The following PDLIM5 variants were observed in gnomAD, a reference collection of about 807,000 sequenced individuals.
The protein encoded by PDLIM5 is PDZ and LIM domain 5.
In PDLIM5, 34 loss-of-function variants were observed where a neutral mutation model predicts 64.2. That is an observed-to-expected ratio of 0.53 (90% CI 0.40 to 0.71). The LOEUF is 0.71. PDLIM5 is among the 30% of genes least tolerant of loss of function. The pLI is 0.00. For missense variants in PDLIM5, 683 were observed against 733.6 expected, an observed-to-expected ratio of 0.93 and a Z score of 0.80; for synonymous variants, 253 against 269.1, an observed-to-expected ratio of 0.94 and a Z score of 0.59.
chr4:94,498,602 C>T (rs1028337705), intron 2 of PDLIM5, among the ~76,000 whole-genome samples: 2 of 152,166 alleles, frequency 1.3e-5, no homozygotes, highest in Non-Finnish European at 2.9e-5. Context: ...CTTGCATTTT[C>T]GTTGTTGTTG....
intron 3 of PDLIM5, among the ~76,000 whole-genome samples, chr4:94,536,854 A>G (rs932132279): frequency 5.3e-5 from 8 of 152,186 alleles, no homozygotes; most frequent in Non-Finnish European, 7.4e-5. Context: ...TGTTGTTGCT[A>G]TTATAGTCTC....
chr4:94,556,799 A>T (rs1205074550), intron 3 of PDLIM5, among the ~76,000 whole-genome samples: 1 of 151,986 alleles, frequency 6.6e-6, no homozygotes, highest in Non-Finnish European at 1.5e-5. Flanking sequence ...TAGATTCTGG[A>T]TATTAGCCCT....
intron 3 of PDLIM5, among the ~76,000 whole-genome samples, chr4:94,541,243 G>A (rs755800872): frequency 1.1e-4 from 17 of 152,000 alleles, no homozygotes; most frequent in South Asian, 2.1e-4. Context: ...AAAAAATGTC[G>A]TCCATGTAAA....
intron 9 of PDLIM5, among the ~76,000 whole-genome samples, chr4:94,645,943 T>A (rs1296774868): frequency 1.3e-5 from 2 of 152,228 alleles, no homozygotes; most frequent in Non-Finnish European, 2.9e-5. Flanking sequence ...ATAAACAAGT[T>A]GAACAGTTAA....
chr4:94,546,484 A>G (rs1258142161), intron 3 of PDLIM5, among the ~76,000 whole-genome samples: 1 of 152,210 alleles, frequency 6.6e-6, no homozygotes, highest in Non-Finnish European at 1.5e-5. Context: ...GTTATCAAAC[A>G]AAAGCTATTA....
intron 3 of PDLIM5, among the ~76,000 whole-genome samples, chr4:94,559,892 A>T (rs1415696029): frequency 6.6e-6 from 1 of 152,210 alleles, no homozygotes; most frequent in Non-Finnish European, 1.5e-5. Context: ...TATTTGTGTC[A>T]TCTTAACTGT....
intron 2 of PDLIM5, among the ~76,000 whole-genome samples, chr4:94,491,801 A>G (rs1301478439): frequency 6.6e-6 from 1 of 152,122 alleles, no homozygotes. Flanking sequence ...TTCTATACTT[A>G]TGGAGTACAA....
intron 2 of PDLIM5, among the ~76,000 whole-genome samples, chr4:94,499,160 G>C (rs1384636658): frequency 6.6e-6 from 1 of 152,064 alleles, no homozygotes; most frequent in Non-Finnish European, 1.5e-5. Flanking sequence ...AAAAAGCGAA[G>C]CCTTCTCTGA....
At chr4:94,504,444 G>A (rs1292490956) in intron 2 of PDLIM5, among the ~76,000 whole-genome samples, 2 of 152,092 alleles carry the variant, frequency 1.3e-5, no homozygotes, top group South Asian at 2.1e-4. Flanking sequence ...GCGCCACCAC[G>A]CCTGGCTAAT....
intron 3 of PDLIM5, among the ~76,000 whole-genome samples, chr4:94,547,460 C>T (rs1253427255): frequency 6.6e-6 from 1 of 152,156 alleles, no homozygotes; most frequent in East Asian, 1.9e-4. Flanking sequence ...CCCTCTTCCA[C>T]ATTTGAGGGC....
chr4:94,495,248 A>G (rs1393235471), intron 2 of PDLIM5, among the ~76,000 whole-genome samples: 1 of 152,204 alleles, frequency 6.6e-6, no homozygotes, highest in Admixed American at 6.5e-5. Context: ...TACTAGGATT[A>G]TACTAAAGGT....
chr4:94,530,295 T>C (rs1730747087), intron 3 of PDLIM5, among the ~76,000 whole-genome samples: 1 of 152,100 alleles, frequency 6.6e-6, no homozygotes, highest in Admixed American at 6.5e-5. Context: ...TTAAGTTTGC[T>C]TATTTTGGCT....
In PDLIM5 at chr4:94,662,449, G is replaced by A. The variant is rs1302603699; in HGVS notation, c.1613G>A (p.Cys538Tyr). Reference sequence around the variant, plus strand: ...TATTATGCCCTCTTTGGTACTATATGCCATGGATGTGAATTTCCCATAGAA... The same window carrying A: ...TATTATGCCCTCTTTGGTACTATATACCATGGATGTGAATTTCCCATAGAA... ...TDYYALFGTI[C>Y]HGCEFPIEAG... The change falls in exon 12 of 13, where the codon TGC becomes TAC. Residue 538 changes from cysteine to tyrosine, a missense_variant. By Grantham distance (194) the Cys-to-Tyr change is radical (BLOSUM62 -2). Coordinates refer to ENST00000317968, the MANE Select transcript of PDLIM5 (RefSeq NM_006457.5). The A allele has an allele frequency of 1.3e-6, 2 of 1,583,288 alleles. No homozygotes were observed. The highest frequency in any genetic ancestry group is 1.1e-5 in the South Asian group (1 of 90,468).
At chr4:94,576,146 A>ATAATACTTCATCTCCCT in intron 5 of PDLIM5, 112 bp downstream of exon 5, 1 of 845,630 alleles carries the variant, frequency 1.2e-6, no homozygotes, top group Non-Finnish European at 1.9e-6. Context: ...AGGAAGGGAG[A>ATAATACTTCATCTCCCT]TGAAGTATTA....
At chr4:94,501,519 A>G (rs1462088021) in intron 2 of PDLIM5, among the ~76,000 whole-genome samples, 1 of 152,228 alleles carries the variant, frequency 6.6e-6, no homozygotes, top group Non-Finnish European at 1.5e-5. Context: ...AGAAATTTTT[A>G]TAGCAATTTG....
intron 2 of PDLIM5, among the ~76,000 whole-genome samples, chr4:94,471,320 T>C (rs1468143510): frequency 6.6e-6 from 1 of 152,166 alleles, no homozygotes; most frequent in Non-Finnish European, 1.5e-5. Flanking sequence ...TAAAGTCTAC[T>C]TGAGAGATAG....
chr4:94,476,883 A>G (rs1198211381), intron 2 of PDLIM5, among the ~76,000 whole-genome samples: 3 of 152,204 alleles, frequency 2.0e-5, no homozygotes. Context: ...TATTAACAGT[A>G]TGCCTGTATT....
At chr4:94,484,975 T>G (rs1726183899) in intron 2 of PDLIM5, among the ~76,000 whole-genome samples, 1 of 152,108 alleles carries the variant, frequency 6.6e-6, no homozygotes, top group South Asian at 2.1e-4. Context: ...GGTAGCTTTA[T>G]TGAAACCTCA....
chr4:94,659,482 A>G (rs6532498), intron 11 of PDLIM5, among the ~76,000 whole-genome samples: 1,579 of 133,550 alleles, frequency 0.012, 21 homozygotes, highest in East Asian at 0.03. Flanking sequence ...CAGCTGTAGT[A>G]TATATGTGTG....
Sources: allele counts gnomAD v4.1 joint callset (sites outside exome capture counted in the v4.1 genomes callset), GRCh38; gene constraint gnomAD v4.1.1; transcripts MANE v1.5; gene names NCBI Gene and HGNC (gene_info 2026-07-23, HGNC 2026-07-21).